MCC: variants seen among roughly 807,000 people sequenced by gnomAD.
The protein encoded by MCC is MCC regulator of Wnt signaling pathway.
A neutral mutation model predicts 116.2 loss-of-function variants in MCC; 90 were observed. The ratio of observed to expected loss-of-function variants is 0.77; its 90% CI spans 0.65 to 0.92. The LOEUF is 0.92. Ranked by LOEUF, MCC falls within the 40% of genes least tolerant of loss-of-function variation. The pLI, the probability that MCC is intolerant of heterozygous loss-of-function variation, is 0.00. For missense variants in MCC, 1,516 were observed against 1,312.2 expected, an observed-to-expected ratio of 1.16 and a Z score of -2.40; for synonymous variants, 578 against 510.5, an observed-to-expected ratio of 1.13 and a Z score of -1.78.
intron 5 of MCC, among the ~76,000 whole-genome samples, chr5:113,126,023 G>A (rs1254574214): frequency 2.0e-5 from 3 of 152,194 alleles, no homozygotes; most frequent in African/African-American, 7.2e-5. Flanking sequence ...ACACTCTGTA[G>A]TGGTAGGTTT....
intron 8 of MCC, among the ~76,000 whole-genome samples, chr5:113,090,979 G>T (rs1193112687): frequency 6.6e-6 from 1 of 152,216 alleles, no homozygotes; most frequent in African/African-American, 2.4e-5. Context: ...TGTGAGCAGG[G>T]CACAGAATGA....
chr5:113,143,315 G>C lies in MCC; in HGVS notation c.787C>G (p.Arg263Gly). 2 of 1,613,766 alleles carry C rather than the reference G, an allele frequency of 1.2e-6. No individual in the cohort carries two copies. The highest frequency in any genetic ancestry group is 3.3e-5 in the Admixed American group (2 of 59,958). ...LMREHEDVQE[R>G]TTLRYEERIT... ...CGTTCCTCATAGCGAAGTGTCGTTC[G>C]CTCCTGGACATCCTCATGCTCTCTC... is the stretch of plus-strand genomic sequence containing the variant. Residue 263 changes from arginine (R) to glycine (G), a missense_variant, in exon 5 of 19, where the codon CGA (arginine) becomes GGA (glycine). Coordinates refer to ENST00000408903, the MANE Select transcript of MCC (RefSeq NM_001085377.2).
intron 11 of MCC, among the ~76,000 whole-genome samples, chr5:113,071,442 G>A (rs1456654011): frequency 6.6e-5 from 10 of 152,082 alleles, no homozygotes; most frequent in Admixed American, 6.6e-4. Flanking sequence ...TAAGCCCCCT[G>A]GTTAAAAATA....
chr5:113,128,388 G>A (rs1291925216), intron 5 of MCC, among the ~76,000 whole-genome samples: 1 of 152,196 alleles, frequency 6.6e-6, no homozygotes, highest in Non-Finnish European at 1.5e-5. Flanking sequence ...CCTTTAAATG[G>A]CTGGCTTTCT....
At chr5:113,311,392 G>C (rs1192037141) in intron 3 of MCC, among the ~76,000 whole-genome samples, 1 of 152,146 alleles carries the variant, frequency 6.6e-6, no homozygotes, top group Non-Finnish European at 1.5e-5. Flanking sequence ...GCTAACGTGA[G>C]TGCATGTCTA....
At chr5:113,125,616 A>G (rs1174738374) in intron 5 of MCC, among the ~76,000 whole-genome samples, 1 of 152,164 alleles carries the variant, frequency 6.6e-6, no homozygotes, top group Non-Finnish European at 1.5e-5. Context: ...TCTGTAAACT[A>G]ACTCGATTTA....
intron 3 of MCC, among the ~76,000 whole-genome samples, chr5:113,187,638 C>T (rs1314285445): frequency 6.6e-6 from 1 of 151,830 alleles, no homozygotes; most frequent in Non-Finnish European, 1.5e-5. Flanking sequence ...GCCTGTAGTC[C>T]CAGCTACTTG....
chr5:113,485,670 G>C (rs183324747), intron 1 of MCC, among the ~76,000 whole-genome samples: 1 of 152,232 alleles, frequency 6.6e-6, no homozygotes, highest in Non-Finnish European at 1.5e-5. Context: ...TTGGAGAAAG[G>C]TAGAAGGTAG....
chr5:113,039,262 G>A (rs368924991), intron 17 of MCC, among the ~76,000 whole-genome samples: 129 of 152,300 alleles, frequency 8.5e-4, no homozygotes, highest in African/African-American at 3.0e-3. Context: ...ATGTTGCCCA[G>A]GCTGGATTTG....
At chr5:113,223,576 T>C (rs974599435) in intron 3 of MCC, among the ~76,000 whole-genome samples, 14 of 151,998 alleles carry the variant, frequency 9.2e-5, no homozygotes, top group African/African-American at 3.1e-4. Flanking sequence ...GCAGTGGAAG[T>C]AGGGACTGGA....
At chr5:113,266,442 T>C (rs991584355) in intron 3 of MCC, among the ~76,000 whole-genome samples, 12 of 152,172 alleles carry the variant, frequency 7.9e-5, no homozygotes, top group Admixed American at 4.6e-4. Flanking sequence ...TCCTTGGGAG[T>C]TGGCAGTTCT....
At chr5:113,135,150 G>A (rs1172074852) in intron 5 of MCC, among the ~76,000 whole-genome samples, 2 of 151,084 alleles carry the variant, frequency 1.3e-5, no homozygotes, top group Non-Finnish European at 3.0e-5. Flanking sequence ...ATATTGCCCA[G>A]GCTGGTCTTG....
At chr5:113,413,159 T>C (rs1230776083) in intron 1 of MCC, among the ~76,000 whole-genome samples, 1 of 152,222 alleles carries the variant, frequency 6.6e-6, no homozygotes, top group Non-Finnish European at 1.5e-5. Flanking sequence ...GATGTGCTGC[T>C]GGATTCGGTT....
Position 113,024,753 on chromosome 5 carries a change from T to TC in MCC, c.*2548_*2549insG, listed in dbSNP as rs1176890102. On this transcript the variant is annotated 3_prime_UTR_variant, in exon 19 of 19. Coordinates refer to ENST00000408903, the MANE Select transcript of MCC (RefSeq NM_001085377.2). ...CTGCAAGCATTTAATTTAATCAGTA[T>TC]AGTTTAGTTCAGTAGCTCCCACAAT... 19 of 2,092 alleles carry TC rather than the reference T, an allele frequency of 9.1e-3. No individual in the cohort carries two copies. In the African/African-American group the frequency reaches 0.15, roughly 17 times the overall value. The allele number at this position is 2,092 out of a possible 1,614,324, so 0.1% of individuals were successfully genotyped here. A position where few individuals can be genotyped will look rare whatever the true frequency, so the allele number is the denominator to read the frequency against.
chr5:113,294,059 G>C (rs888844179), intron 3 of MCC, among the ~76,000 whole-genome samples: 1 of 152,192 alleles, frequency 6.6e-6, no homozygotes, highest in Non-Finnish European at 1.5e-5. Flanking sequence ...AGACTGTCGT[G>C]AGTAAAACGC....
At chr5:113,140,619 T>C (rs908467393) in intron 5 of MCC, among the ~76,000 whole-genome samples, 1 of 152,126 alleles carries the variant, frequency 6.6e-6, no homozygotes, top group African/African-American at 2.4e-5. Flanking sequence ...AACTATGAGA[T>C]TGTCATTTTC....
At chr5:113,278,608 A>T (rs929125565) in intron 3 of MCC, among the ~76,000 whole-genome samples, 1 of 152,214 alleles carries the variant, frequency 6.6e-6, no homozygotes, top group African/African-American at 2.4e-5. Flanking sequence ...TGTGGATAGT[A>T]TACCAGTGGA....
intron 1 of MCC, among the ~76,000 whole-genome samples, chr5:113,480,761 G>C (rs1488369589): frequency 6.6e-6 from 1 of 152,076 alleles, no homozygotes; most frequent in Admixed American, 6.6e-5. Context: ...GGAAGATTTG[G>C]ATTTCATTAT....
chr5:113,343,003 C>CA (rs985987636), intron 2 of MCC, among the ~76,000 whole-genome samples: 5 of 150,888 alleles, frequency 3.3e-5, no homozygotes, highest in African/African-American at 4.9e-5. Flanking sequence ...CTTTTAATGA[C>CA]AAAAAAAAGG....
Sources: allele counts gnomAD v4.1 joint callset (sites outside exome capture counted in the v4.1 genomes callset), GRCh38; gene constraint gnomAD v4.1.1; transcripts MANE v1.5; gene names NCBI Gene and HGNC (gene_info 2026-07-23, HGNC 2026-07-21).